The following CCDC152 variants were observed in gnomAD, a reference collection of about 807,000 sequenced individuals.
CCDC152 encodes the protein coiled-coil domain-containing protein 152.
Under a neutral mutation model 38.1 loss-of-function variants are expected in CCDC152, and 37 were observed. The ratio of observed to expected loss-of-function variants is 0.97; its 90% CI spans 0.75 to 1.28. CCDC152 has a LOEUF of 1.28. Ranked by LOEUF, CCDC152 falls within the 50% of genes most tolerant of loss-of-function variation. CCDC152 has a pLI of 0.00. For synonymous variants in CCDC152, 83 were observed against 87.1 expected (o/e 0.95, Z 0.26); for missense variants, 259 against 292.1 (o/e 0.89, Z 0.83).
At position 42,799,446 on chromosome 5, in the gene CCDC152, T is replaced by C; in HGVS notation, c.630T>C (p.Ser210=). 1 of 1,538,202 alleles carries C rather than the reference T, an allele frequency of 6.5e-7. No homozygotes were observed. The highest frequency in any genetic ancestry group is 1.2e-5 in the South Asian group (1 of 82,378). The change falls in exon 8 of 9, where the codon AGT becomes AGC. Residue 210 remains serine, a synonymous_variant. Transcript: ENST00000361970. ...AGGATTCTACTGTTTTGCCACAAAG[T>C]ATCTACAGAAGGGTATGTGAGTTTT... ...SYQDSTVLPQ[S]IYRRKLQHFQ...
chr5:42,767,795 A>G (rs1012458464), intron 3 of CCDC152, among the ~76,000 whole-genome samples: 1 of 152,212 alleles, frequency 6.6e-6, no homozygotes, highest in African/African-American at 2.4e-5. Context: ...CAGCTACTAT[A>G]TTCTATGAAT....
chr5:42,775,310 A>C (rs1042919365), intron 4 of CCDC152, among the ~76,000 whole-genome samples: 2 of 152,128 alleles, frequency 1.3e-5, no homozygotes, highest in Non-Finnish European at 2.9e-5. Context: ...CAAAGAAAAA[A>C]TTTTGAAACA....
chr5:42,777,361 C>T (rs1193028789), intron 4 of CCDC152, among the ~76,000 whole-genome samples: 1 of 151,718 alleles, frequency 6.6e-6, no homozygotes, highest in Admixed American at 6.6e-5. Flanking sequence ...TACTCGGGGG[C>T]CGAGGCAGGA....
chr5:42,776,149 A>G (rs566427078), intron 4 of CCDC152, among the ~76,000 whole-genome samples: 6 of 152,094 alleles, frequency 3.9e-5, no homozygotes, highest in Non-Finnish European at 8.8e-5. Context: ...CAAGACAGAG[A>G]TTATCAGAGC....
At chr5:42,757,232 G>A (rs991917436) in intron 1 of CCDC152, among the ~76,000 whole-genome samples, 1 of 152,206 alleles carries the variant, frequency 6.6e-6, no homozygotes, top group Non-Finnish European at 1.5e-5. Flanking sequence ...TAGGATGACG[G>A]AGAGGGAGCC....
intron 4 of CCDC152, among the ~76,000 whole-genome samples, chr5:42,771,789 A>G (rs1292032375): frequency 6.6e-6 from 1 of 152,150 alleles, no homozygotes; most frequent in Non-Finnish European, 1.5e-5. Context: ...CACCAAAGAA[A>G]AGCCCAGGAT....
chr5:42,792,960 A>G (rs890386301), intron 6 of CCDC152, among the ~76,000 whole-genome samples: 10 of 152,212 alleles, frequency 6.6e-5, no homozygotes, highest in Admixed American at 5.2e-4. Flanking sequence ...TATTTACCCA[A>G]GAGGAATGAA....
Position 42,783,494 on chromosome 5 carries a change from C to T in CCDC152, c.348C>T (p.Ala116=). 1 of 1,350,482 alleles carries T rather than the reference C, an allele frequency of 7.4e-7. No homozygotes were observed. The highest frequency in any genetic ancestry group is 2.1e-5 in the South Asian group (1 of 48,382). The allele number at this position is 1,350,482 out of a possible 1,614,324, so 83.7% of individuals were successfully genotyped here. A position where few individuals can be genotyped will look rare whatever the true frequency, so the allele number is the denominator to read the frequency against. ...SHEQEYKNNI[A]KLVSEMKIKE... ...TTTAGGAATATAAGAATAATATTGC[C>T]AAACTTGTAAGTGAAATGAAAATCA... The change falls in exon 6 of 9, where the codon GCC becomes GCT. Residue 116 remains alanine (A), a synonymous_variant. Coordinates refer to ENST00000361970, the MANE Select transcript of CCDC152 (RefSeq NM_001134848.2).
chr5:42,767,011 T>A (rs1759633446), intron 3 of CCDC152, among the ~76,000 whole-genome samples: 1 of 152,154 alleles, frequency 6.6e-6, no homozygotes, highest in African/African-American at 2.4e-5. Flanking sequence ...TATCAAAACA[T>A]CTCATGTACC....
At chr5:42,796,983 T>C in intron 7 of CCDC152, 27 bp downstream of exon 7, 1 of 1,438,082 alleles carries the variant, frequency 7.0e-7, no homozygotes, top group South Asian at 1.3e-5. Flanking sequence ...CTGCTAAACT[T>C]GAGGACACAT....
intron 3 of CCDC152, among the ~76,000 whole-genome samples, chr5:42,762,915 CA>C (rs970257302): frequency 2.2e-4 from 33 of 152,136 alleles, no homozygotes; most frequent in Admixed American, 4.6e-4. Flanking sequence ...TCAAATGTGT[CA>C]AAAAAATTGT....
At position 42,780,289 on chromosome 5, in the gene CCDC152, T is replaced by C. The variant is rs73751239; in HGVS notation, c.327+767T>C. 8.3e-3 allele frequency among the ~76,000 whole-genome samples: 1,267 copies of C among 152,284 alleles called. 12 individuals are homozygous for C. Among genetic ancestry groups the C allele is most frequent in the African/African-American group, 0.03 (1,227 of 41,574 alleles). On this transcript the variant is annotated intron_variant, in intron 5 of 8. Coordinates refer to ENST00000361970, the MANE Select transcript of CCDC152 (RefSeq NM_001134848.2). ...CCCTCTGAAGAAATCTGCCCAGAAC[T>C]TCTGGTTAATCCTGTACAGTAATAA... is the stretch of plus-strand genomic sequence containing the variant.
intron 6 of CCDC152, among the ~76,000 whole-genome samples, chr5:42,787,137 A>C (rs1161118861): frequency 6.6e-6 from 1 of 152,060 alleles, no homozygotes; most frequent in Non-Finnish European, 1.5e-5. Flanking sequence ...GTTGAGTGGA[A>C]TGTTCTGTAG....
At chr5:42,787,203 T>A (rs1274198791) in intron 6 of CCDC152, among the ~76,000 whole-genome samples, 1 of 152,020 alleles carries the variant, frequency 6.6e-6, no homozygotes, top group African/African-American at 2.4e-5. Flanking sequence ...GTTTCTTTAT[T>A]ATTTTTCAGC....
chr5:42,764,907 C>G (rs1759605122), intron 3 of CCDC152, among the ~76,000 whole-genome samples: 1 of 152,132 alleles, frequency 6.6e-6, no homozygotes, highest in Non-Finnish European at 1.5e-5. Context: ...CAACATAGTA[C>G]TGGAAGTCCT....
Position 42,757,445 on chromosome 5 carries a change from C to G in CCDC152, c.-3+560C>G, listed in dbSNP as rs569597347. Among the ~76,000 whole-genome samples the G allele has an allele frequency of 2.6e-5, 4 of 152,276 alleles. No individual in the cohort carries two copies. In the South Asian group the frequency reaches 6.2e-4, roughly 24 times the overall value. ...CACGCTCCTGTGGGGATGGTTGAAGCCAGCAGGCAAGAAGACAAAGAAGGA... is the reference window on the plus strand; with the variant it reads ...CACGCTCCTGTGGGGATGGTTGAAGGCAGCAGGCAAGAAGACAAAGAAGGA... On this transcript the variant is annotated intron_variant, in intron 1 of 8. Coordinates refer to ENST00000361970, the MANE Select transcript of CCDC152 (RefSeq NM_001134848.2).
At chr5:42,777,766 G>A (rs1759787882) in intron 4 of CCDC152, among the ~76,000 whole-genome samples, 1 of 152,102 alleles carries the variant, frequency 6.6e-6, no homozygotes, top group Non-Finnish European at 1.5e-5. Flanking sequence ...TATTTCCAAG[G>A]CTCCTTTCAA....
intron 4 of CCDC152, among the ~76,000 whole-genome samples, chr5:42,775,891 T>C (rs1759762435): frequency 6.7e-6 from 1 of 150,070 alleles, no homozygotes; most frequent in Non-Finnish European, 1.5e-5. Context: ...TAAATGTATA[T>C]TGCAAATTCT....
At chr5:42,796,288 T>C (rs926710525) in intron 6 of CCDC152, among the ~76,000 whole-genome samples, 2 of 151,642 alleles carry the variant, frequency 1.3e-5, no homozygotes, top group African/African-American at 2.4e-5. Flanking sequence ...AAGCCCTTCA[T>C]TGTGGGGCTT....
Sources: gnomAD v4.1 joint callset for allele counts (sites outside exome capture counted in the v4.1 genomes callset) on GRCh38, gnomAD v4.1.1 for gene constraint, MANE v1.5 for transcripts, NCBI Gene and HGNC (gene_info 2026-07-23, HGNC 2026-07-21) for gene names.